PAPSS2: variants seen among roughly 807,000 people sequenced by gnomAD.
PAPSS2 encodes bifunctional 3'-phosphoadenosine 5'-phosphosulfate synthase 2.
A neutral mutation model predicts 66.5 loss-of-function variants in PAPSS2; 61 were observed. The ratio of observed to expected loss-of-function variants is 0.92; its 90% CI spans 0.75 to 1.14. PAPSS2 has a LOEUF of 1.14. Ranked by LOEUF, PAPSS2 falls within the 50% of genes most tolerant of loss-of-function variation. The probability of loss-of-function intolerance (pLI) is 0.00; values close to 1 mark genes in which losing one functional copy is unlikely to be tolerated. For missense variants in PAPSS2, 708 were observed against 789.6 expected, an observed-to-expected ratio of 0.90 and a Z score of 1.24; for synonymous variants, 289 against 287.5, an observed-to-expected ratio of 1.01 and a Z score of -0.05.
chr10:87,670,967 A>C (rs1476579381), intron 1 of PAPSS2, among the ~76,000 whole-genome samples: 1 of 152,204 alleles, frequency 6.6e-6, no homozygotes, highest in African/African-American at 2.4e-5. Flanking sequence ...TGTACCCAAC[A>C]GGGTTCCCCA....
intron 1 of PAPSS2, among the ~76,000 whole-genome samples, chr10:87,682,454 A>G (rs985803874): frequency 1.3e-5 from 2 of 152,242 alleles, no homozygotes; most frequent in Non-Finnish European, 2.9e-5. Flanking sequence ...CTGGCACTAT[A>G]TAAAACCCCT....
intron 9 of PAPSS2, among the ~76,000 whole-genome samples, chr10:87,735,218 A>T (rs377585949): frequency 6.6e-6 from 1 of 152,082 alleles, no homozygotes; most frequent in Admixed American, 6.5e-5. Context: ...GAGCCTCTGG[A>T]TCTCCCTTCC....
chr10:87,746,047 A>T lies in PAPSS2; in HGVS notation c.*77A>T. The T allele has an allele frequency of 7.1e-7, 1 of 1,403,078 alleles. No individual in the cohort carries two copies. Among genetic ancestry groups the T allele is most frequent in the South Asian group, 1.2e-5 (1 of 84,356 alleles). 86.9% of individuals were successfully genotyped at this position (1,403,078 alleles called of 1,614,324 possible). On this transcript the variant is annotated 3_prime_UTR_variant, in exon 13 of 13. Transcript: ENST00000456849. ...TTTTTATGATTAGATGCTTTGTATTAAATTGCTTCTCAATGATGCATTTTA... is the reference window on the plus strand; with the variant it reads ...TTTTTATGATTAGATGCTTTGTATTTAATTGCTTCTCAATGATGCATTTTA...
At chr10:87,667,186 G>A (rs1852825068) in intron 1 of PAPSS2, among the ~76,000 whole-genome samples, 1 of 152,194 alleles carries the variant, frequency 6.6e-6, no homozygotes, top group Non-Finnish European at 1.5e-5. Context: ...GGGTGTGGTG[G>A]CTCATGCCTG....
At chr10:87,668,287 T>C (rs1341297335) in intron 1 of PAPSS2, among the ~76,000 whole-genome samples, 1 of 152,228 alleles carries the variant, frequency 6.6e-6, no homozygotes, top group Non-Finnish European at 1.5e-5. Context: ...ATCCTTTCCT[T>C]TTTCAGTTCC....
intron 1 of PAPSS2, among the ~76,000 whole-genome samples, chr10:87,670,369 C>T (rs943981927): frequency 1.4e-4 from 21 of 152,222 alleles, no homozygotes; most frequent in Middle Eastern, 3.4e-3. Context: ...TGTTGTCAAC[C>T]GATCAATGAG....
At chr10:87,727,892 C>T (rs984616950) in intron 9 of PAPSS2, among the ~76,000 whole-genome samples, 3 of 152,128 alleles carry the variant, frequency 2.0e-5, no homozygotes, top group African/African-American at 4.8e-5. Flanking sequence ...AAAGAATGGA[C>T]CCAACCAAAT....
chr10:87,695,568 T>C (rs1853222030), intron 1 of PAPSS2, among the ~76,000 whole-genome samples: 1 of 152,196 alleles, frequency 6.6e-6, no homozygotes. Flanking sequence ...GGCAGCCAGC[T>C]TACTGCCTAC....
At chr10:87,708,599 C>T (rs976908356) in intron 1 of PAPSS2, among the ~76,000 whole-genome samples, 1 of 151,968 alleles carries the variant, frequency 6.6e-6, no homozygotes, top group Non-Finnish European at 1.5e-5. Context: ...TTCACTGAAA[C>T]GATGACATTC....
At chr10:87,686,058 C>G (rs1359951239) in intron 1 of PAPSS2, among the ~76,000 whole-genome samples, 1 of 151,598 alleles carries the variant, frequency 6.6e-6, no homozygotes, top group African/African-American at 2.4e-5. Flanking sequence ...TTCCCTAGCC[C>G]AAGAAGACTA....
At chr10:87,715,358 A>T (rs1320566064) in intron 6 of PAPSS2, among the ~76,000 whole-genome samples, 1 of 152,230 alleles carries the variant, frequency 6.6e-6, no homozygotes, top group East Asian at 1.9e-4. Context: ...ACAATTTTAC[A>T]TAGCTGTCAT....
Position 87,714,841 on chromosome 10 carries a change from T to C in PAPSS2, c.617T>C (p.Val206Ala), listed in dbSNP as rs1853512351. ...ACAGTGAGTGACTGTGTCCACCAGG[T>C]AGTGGAACTTCTGCAAGAGCAGGTA... is the stretch of plus-strand genomic sequence containing the variant. ...LSTVSDCVHQ[V>A]VELLQEQNIV... Residue 206 changes from valine (V) to alanine (A), a missense_variant, in exon 5 of 13, where the codon GTA becomes GCA. Physicochemically the swap from Val to Ala is moderately conservative, Grantham distance 64. Transcript: ENST00000456849. 2 of 1,609,156 alleles carry C rather than the reference T, an allele frequency of 1.2e-6. No individual in the cohort carries two copies.
chr10:87,698,040 T>G (rs1368402679), intron 1 of PAPSS2, among the ~76,000 whole-genome samples: 2 of 152,234 alleles, frequency 1.3e-5, no homozygotes, highest in African/African-American at 2.4e-5. Flanking sequence ...GGGAAAAAAT[T>G]AAATACTGTA....
At chr10:87,740,180 CT>C (rs71019498) in intron 9 of PAPSS2, among the ~76,000 whole-genome samples, 43,919 of 151,828 alleles carry the variant, frequency 0.29, 6,608 homozygotes, top group Non-Finnish European at 0.32. Context: ...AATGATAAAT[CT>C]TAAGGTTTCA....
intron 9 of PAPSS2, among the ~76,000 whole-genome samples, chr10:87,729,429 C>G (rs1451343470): frequency 1.3e-5 from 2 of 152,012 alleles, no homozygotes; most frequent in Non-Finnish European, 2.9e-5. Context: ...TTTGATGTTA[C>G]TATTGTAATT....
chr10:87,709,399 A>G, intron 2 of PAPSS2, 86 bp downstream of exon 2: 1 of 823,596 alleles, frequency 1.2e-6, no homozygotes, highest in Non-Finnish European at 2.1e-6. Flanking sequence ...GTAACGTATT[A>G]CATGCTTGTT....
At chr10:87,734,990 T>G (rs560018423) in intron 9 of PAPSS2, among the ~76,000 whole-genome samples, 5 of 152,170 alleles carry the variant, frequency 3.3e-5, no homozygotes, top group Non-Finnish European at 7.4e-5. Flanking sequence ...GTCTTTACGC[T>G]AGTGGTTGAG....
Position 87,730,599 on chromosome 10 carries a change from A to G in PAPSS2, c.1086+3110A>G, listed in dbSNP as rs541753821. On this transcript the variant is annotated intron_variant, in intron 9 of 12. Coordinates refer to ENST00000456849, the MANE Select transcript of PAPSS2 (RefSeq NM_001015880.2). ...TTCAAATGCAAATGTACCCCACAAA[A>G]GGCAGATTTTTAGCTATTTTTGTAT... 1.2e-4 allele frequency among the ~76,000 whole-genome samples: 19 copies of G among 152,332 alleles called. No homozygotes were observed. In the South Asian group the frequency reaches 3.9e-3, roughly 32 times the overall value.
chr10:87,684,983 C>G (rs1446009849), intron 1 of PAPSS2, among the ~76,000 whole-genome samples: 1 of 152,116 alleles, frequency 6.6e-6, no homozygotes, highest in Non-Finnish European at 1.5e-5. Flanking sequence ...AAGGAAAAAT[C>G]CAGGTCACCA....
Sources: allele counts gnomAD v4.1 joint callset (sites outside exome capture counted in the v4.1 genomes callset), GRCh38; gene constraint gnomAD v4.1.1; transcripts MANE v1.5; gene names NCBI Gene and HGNC (gene_info 2026-07-23, HGNC 2026-07-21).